The following SLC24A2 variants were observed in gnomAD, a reference collection of about 807,000 sequenced individuals.
SLC24A2 encodes sodium/potassium/calcium exchanger 2.
In SLC24A2, 36 loss-of-function variants were observed where a neutral mutation model predicts 62.0. The observed-to-expected ratio is 0.58, with a 90% confidence interval of 0.44 to 0.77. SLC24A2 has a LOEUF of 0.77. SLC24A2 is among the 30% of genes least tolerant of loss of function. SLC24A2 has a pLI of 0.00. For synonymous variants in SLC24A2, 358 were observed against 294.0 expected (o/e 1.22, Z -2.23); for missense variants, 846 against 817.9 (o/e 1.03, Z -0.42).
intron 2 of SLC24A2, among the ~76,000 whole-genome samples, chr9:19,768,464 T>C (rs1372986160): frequency 6.6e-6 from 1 of 152,154 alleles, no homozygotes; most frequent in Non-Finnish European, 1.5e-5. Flanking sequence ...GAGGAGGATA[T>C]GTCCCAAGAC....
chr9:20,212,336 G>A, the SLC24A2 span, among the ~76,000 whole-genome samples: 4 of 151,594 alleles, frequency 2.6e-5, 1 homozygote, highest in African/African-American at 7.3e-5. Context: ...TTTAAAATCC[G>A]AGATGAAAGT....
chr9:19,605,855 G>T (rs1183429514), intron 4 of SLC24A2, among the ~76,000 whole-genome samples: 2 of 152,240 alleles, frequency 1.3e-5, no homozygotes, highest in Non-Finnish European at 2.9e-5. Context: ...TTACAGAGAA[G>T]TTAAGTAACT....
chr9:20,237,313 A>G, the SLC24A2 span, among the ~76,000 whole-genome samples: 722 of 152,336 alleles, frequency 4.7e-3, 6 homozygotes, highest in South Asian at 0.023. Flanking sequence ...TGTGCTAGGT[A>G]AAGGTAGGTC....
chr9:20,171,929 A>G, the SLC24A2 span, among the ~76,000 whole-genome samples: 2 of 152,030 alleles, frequency 1.3e-5, no homozygotes, highest in Non-Finnish European at 2.9e-5. Flanking sequence ...TCATCAGTGC[A>G]TGGAACTTCC....
intron 2 of SLC24A2, among the ~76,000 whole-genome samples, chr9:19,699,838 G>C (rs1820303951): frequency 6.6e-6 from 1 of 151,722 alleles, no homozygotes; most frequent in East Asian, 1.9e-4. Flanking sequence ...TTTCTGACTA[G>C]ATGATTCTCT....
At chr9:19,873,882 T>A in the SLC24A2 span, among the ~76,000 whole-genome samples, 1 of 152,186 alleles carries the variant, frequency 6.6e-6, no homozygotes, top group South Asian at 2.1e-4. Context: ...GCCATCAAAA[T>A]CCCAGTTTCT....
chr9:19,525,859 C>A (rs573051083), intron 9 of SLC24A2, among the ~76,000 whole-genome samples: 1 of 140,964 alleles, frequency 7.1e-6, no homozygotes, highest in East Asian at 2.4e-4. Flanking sequence ...ATGTAATTTA[C>A]ATACCATAAA....
the SLC24A2 span, among the ~76,000 whole-genome samples, chr9:20,297,128 A>C: frequency 1.1e-4 from 17 of 152,178 alleles, no homozygotes. Context: ...ACCTAAACCC[A>C]CCAACAAGTG....
rs1251905962 is a variant in SLC24A2 at position 19,534,884 on chromosome 9, T to TA, written c.1480-6747_1480-6746insT. On this transcript the variant is annotated intron_variant, in intron 8 of 10. Transcript: ENST00000341998. ...TTTGGGTATATACCCAGTAATGAGA[T>TA]TGCTGGGTCAAATGGTATTTCTAAT... 1.2e-3 allele frequency among the ~76,000 whole-genome samples: 180 copies of TA among 152,280 alleles called. 1 individual carries two copies. Among genetic ancestry groups the TA allele is most frequent in the African/African-American group, 4.1e-3 (169 of 41,556 alleles).
the SLC24A2 span, among the ~76,000 whole-genome samples, chr9:20,270,108 C>A: frequency 6.6e-6 from 1 of 152,144 alleles, no homozygotes; most frequent in South Asian, 2.1e-4. Flanking sequence ...TCCATTCCTG[C>A]AAAAAATAAT....
chr9:19,786,768 T>A lies in SLC24A2; in HGVS notation c.99A>T (p.Lys33Asn), dbSNP rs1823187914. 1 of 1,601,640 alleles carries A rather than the reference T, an allele frequency of 6.2e-7. No homozygotes were observed. Among genetic ancestry groups the A allele is most frequent in the Non-Finnish European group, 8.5e-7 (1 of 1,173,454 alleles). Residue 33 changes from lysine (K) to asparagine (N), a missense_variant, in exon 2 of 11, where the codon AAA (lysine) becomes AAT (asparagine). Coordinates refer to ENST00000341998, the MANE Select transcript of SLC24A2 (RefSeq NM_020344.4). This position sits in a 1 kb window ranked among gnomAD's most constrained non-coding sequence, Gnocchi z 5.0. ...GCRRHYSVKK[K>N]LKLIRVLGLF... is the part of the protein sequence containing the mutation. ...GGCCTAAGACTCGAATTAACTTCAG[T>A]TTTTTCTTGACACTATAATGTCTTC...
the SLC24A2 span, among the ~76,000 whole-genome samples, chr9:19,966,081 G>A: frequency 1.3e-5 from 2 of 152,070 alleles, no homozygotes; most frequent in East Asian, 1.9e-4. Flanking sequence ...ATAATTTACC[G>A]GACATCCCTT....
At chr9:20,252,344 G>A in the SLC24A2 span, among the ~76,000 whole-genome samples, 59 of 152,214 alleles carry the variant, frequency 3.9e-4, no homozygotes, top group Non-Finnish European at 5.4e-4. Context: ...TCATGTATTC[G>A]GGGATGACAC....
chr9:20,150,721 A>G, the SLC24A2 span, among the ~76,000 whole-genome samples: 2 of 151,932 alleles, frequency 1.3e-5, no homozygotes, highest in African/African-American at 4.8e-5. Flanking sequence ...AGAAATAGTA[A>G]AAATTATGGC....
At chr9:19,730,489 AGGCGAACAGTT>A (rs909111265) in intron 2 of SLC24A2, among the ~76,000 whole-genome samples, 1 of 152,302 alleles carries the variant, frequency 6.6e-6, no homozygotes, top group Non-Finnish European at 1.5e-5. Flanking sequence ...GCCCACCAGT[AGGCGAACAGTT>A]AAATGACTTC....
the SLC24A2 span, among the ~76,000 whole-genome samples, chr9:19,910,889 T>TC: frequency 3.1e-5 from 1 of 31,854 alleles, no homozygotes; most frequent in Non-Finnish European, 1.7e-4. Flanking sequence ...TGAGGTCCTT[T>TC]TTTTTTTCTT....
In SLC24A2 at chr9:19,511,592, A is replaced by G. The variant is rs1832718142; in HGVS notation, c.*4561T>C. The G allele has an allele frequency of 6.6e-6, 1 of 152,150 alleles. No individual in the cohort carries two copies. The highest frequency in any genetic ancestry group is 6.5e-5 in the Admixed American group (1 of 15,274). 9.4% of individuals were successfully genotyped at this position (152,150 alleles called of 1,614,324 possible). A position where few individuals can be genotyped will look rare whatever the true frequency, so the allele number is the denominator to read the frequency against. ...TCTTAATGACAAGGCCTTACCTAAT[A>G]ATTGAAGACAGTATTGTTGAGACAG... On this transcript the variant is annotated 3_prime_UTR_variant, in exon 11 of 11. Transcript: ENST00000341998.
the SLC24A2 span, among the ~76,000 whole-genome samples, chr9:20,112,657 C>CT: frequency 1.3e-5 from 2 of 152,104 alleles, no homozygotes; most frequent in African/African-American, 4.8e-5. Flanking sequence ...GAAGCCCTGC[C>CT]TAGATGGACA....
chr9:20,273,523 A>G, the SLC24A2 span, among the ~76,000 whole-genome samples: 1 of 152,156 alleles, frequency 6.6e-6, no homozygotes, highest in Admixed American at 6.5e-5. Flanking sequence ...TTCTCATGAT[A>G]GTGAATGGGT....
Sources: gnomAD v4.1 joint callset for allele counts (sites outside exome capture counted in the v4.1 genomes callset) on GRCh38, gnomAD v4.1.1 for gene constraint, Gnocchi (gnomAD v3.1) non-coding constraint, MANE v1.5 for transcripts, NCBI Gene and HGNC (gene_info 2026-07-23, HGNC 2026-07-21) for gene names.